Variants in S100Z observed in about 807,000 individuals in gnomAD.
S100Z encodes the protein S100 calcium binding protein Z.
A neutral mutation model predicts 8.5 loss-of-function variants in S100Z; 11 were observed. The observed-to-expected ratio is 1.30, with a 90% CI of 0.82 to 2.15. S100Z has a LOEUF of 2.15. Among genes scored for constraint, S100Z ranks in the 30% most tolerant of loss-of-function variants. The pLI is 0.00. For missense variants in S100Z, 126 were observed against 117.9 expected, an observed-to-expected ratio of 1.07 and a Z score of -0.32; for synonymous variants, 34 against 43.8, an observed-to-expected ratio of 0.78 and a Z score of 0.89.
chr5:76,913,654 A>G (rs1744747172), intron 4 of S100Z, among the ~76,000 whole-genome samples: 1 of 152,244 alleles, frequency 6.6e-6, no homozygotes, highest in African/African-American at 2.4e-5. Context: ...GATTTCTCAG[A>G]CAGTTTGCAA....
intron 1 of S100Z, among the ~76,000 whole-genome samples, chr5:76,862,461 G>A (rs1229831008): frequency 6.6e-6 from 1 of 152,080 alleles, no homozygotes; most frequent in Non-Finnish European, 1.5e-5. Flanking sequence ...GGAGGCCTCT[G>A]AAGAGCACCT....
In S100Z at chr5:76,865,240, C is replaced by CTTTT. The variant is rs140953492; in HGVS notation, c.-175-4908_-175-4905dup. The stretch of plus-strand genomic sequence containing the variant: ...TAATGTGTGTGTTTGTGTCCTAGCT[C>CTTTT]TTTTTTTTTTTTTTTTTTTTTGAGA... On this transcript the variant is annotated intron_variant, in intron 1 of 4. Coordinates refer to ENST00000317593, the MANE Select transcript of S100Z (RefSeq NM_130772.4). Among the ~76,000 whole-genome samples the CTTTT allele has an allele frequency of 8.9e-5, 9 of 100,632 alleles. 1 individual carries two copies. Among genetic ancestry groups the CTTTT allele is most frequent in the African/African-American group, 3.0e-4 (8 of 26,600 alleles). The allele number at this position is 100,632 out of a possible 152,430, so 66.0% of individuals were successfully genotyped here.
intron 4 of S100Z, among the ~76,000 whole-genome samples, chr5:76,904,791 T>C (rs1744370274): frequency 6.6e-6 from 1 of 152,118 alleles, no homozygotes; most frequent in Non-Finnish European, 1.5e-5. Flanking sequence ...GTAATCCTCC[T>C]GCCTCAGCCT....
chr5:76,905,512 G>A lies in S100Z; in HGVS notation c.*3-15205G>A, dbSNP rs572066419. ...ATCGCAAGCTCCACCTCCTGGGTTTGCACCATTCTTCTGCCTCAGCCTCCT... is the reference window on the plus strand; with the variant it reads ...ATCGCAAGCTCCACCTCCTGGGTTTACACCATTCTTCTGCCTCAGCCTCCT... On this transcript the variant is annotated intron_variant, in intron 4 of 4. Transcript: ENST00000317593. Among the ~76,000 whole-genome samples the A allele has an allele frequency of 5.9e-4, 90 of 151,684 alleles. 1 individual carries two copies. The highest frequency in any genetic ancestry group is 2.0e-3 in the African/African-American group (83 of 41,330).
the S100Z span, among the ~76,000 whole-genome samples, chr5:76,930,887 T>C: frequency 6.6e-6 from 1 of 152,156 alleles, no homozygotes; most frequent in Non-Finnish European, 1.5e-5. Flanking sequence ...TTGGAGGAGA[T>C]ATTTTAAAAC....
the S100Z span, among the ~76,000 whole-genome samples, chr5:76,945,731 A>G: frequency 6.6e-6 from 1 of 152,210 alleles, no homozygotes; most frequent in Non-Finnish European, 1.5e-5. Context: ...CTGCTTTCCT[A>G]CTGCATTCCT....
intron 4 of S100Z, among the ~76,000 whole-genome samples, chr5:76,893,594 A>T (rs1743938121): frequency 6.6e-6 from 1 of 152,112 alleles, no homozygotes; most frequent in Admixed American, 6.5e-5. Flanking sequence ...TTTTGTTTTC[A>T]AAAGTCTAAA....
chr5:76,898,746 T>C (rs1407182509), intron 4 of S100Z, among the ~76,000 whole-genome samples: 1 of 152,128 alleles, frequency 6.6e-6, no homozygotes, highest in Non-Finnish European at 1.5e-5. Context: ...TCAAAGATAT[T>C]GCCCTGTAGT....
the S100Z span, among the ~76,000 whole-genome samples, chr5:76,932,403 G>A: frequency 1.3e-5 from 2 of 152,256 alleles, no homozygotes; most frequent in Non-Finnish European, 2.9e-5. Context: ...GCCCAGGCTG[G>A]AGTGCGGTGG....
chr5:76,927,034 G>A, the S100Z span, among the ~76,000 whole-genome samples: 6 of 151,960 alleles, frequency 3.9e-5, no homozygotes, highest in African/African-American at 9.7e-5. Context: ...TGATTCTTTC[G>A]CCTGTGCATG....
intron 4 of S100Z, among the ~76,000 whole-genome samples, chr5:76,916,953 C>T (rs922622720): frequency 6.6e-6 from 1 of 151,798 alleles, no homozygotes; most frequent in African/African-American, 2.4e-5. Flanking sequence ...TAGTTAAACC[C>T]CATCTCTACT....
chr5:76,879,839 C>T (rs1324047953), intron 4 of S100Z, among the ~76,000 whole-genome samples: 1 of 152,040 alleles, frequency 6.6e-6, no homozygotes, highest in Non-Finnish European at 1.5e-5. Flanking sequence ...GAGAGAAATC[C>T]ATTCAGAGGT....
chr5:76,851,848 T>C (rs1015900117), intron 1 of S100Z, among the ~76,000 whole-genome samples: 2 of 151,986 alleles, frequency 1.3e-5, no homozygotes, highest in African/African-American at 4.8e-5. Flanking sequence ...AAGAACGAGA[T>C]GTAAAGTAGA....
At chr5:76,856,005 G>C (rs1011483047) in intron 1 of S100Z, among the ~76,000 whole-genome samples, 1 of 152,082 alleles carries the variant, frequency 6.6e-6, no homozygotes, top group African/African-American at 2.4e-5. Context: ...ATGAGATCTG[G>C]TTGTTCAAAA....
In S100Z at chr5:76,891,165, C is replaced by A. The variant is rs983154913; in HGVS notation, c.*2+13331C>A. On this transcript the variant is annotated intron_variant, in intron 4 of 4. Transcript: ENST00000317593. Reference sequence around the variant, plus strand: ...GGCGTGAGCCACCATGCCCGGCCCCCAGTTTCTTCCTTTAAATTAAAGCAG... The same window carrying A: ...GGCGTGAGCCACCATGCCCGGCCCCAAGTTTCTTCCTTTAAATTAAAGCAG... 2.6e-5 allele frequency among the ~76,000 whole-genome samples: 4 copies of A among 152,316 alleles called. No individual in the cohort carries two copies. The East Asian group carries it at 7.7e-4, about 29-fold the overall frequency.
At chr5:76,937,072 C>T in the S100Z span, among the ~76,000 whole-genome samples, 1 of 152,078 alleles carries the variant, frequency 6.6e-6, no homozygotes, top group Non-Finnish European at 1.5e-5. Context: ...GCTGCAGAGC[C>T]CTCCCTGACC....
At chr5:76,934,112 G>A in the S100Z span, among the ~76,000 whole-genome samples, 5 of 152,304 alleles carry the variant, frequency 3.3e-5, no homozygotes, top group Non-Finnish European at 7.4e-5. Flanking sequence ...TAGTGACAGA[G>A]GAAGAATTCA....
At chr5:76,862,124 AGTGTGCGTGTGT>A (rs1031556537) in intron 1 of S100Z, among the ~76,000 whole-genome samples, 60 of 138,510 alleles carry the variant, frequency 4.3e-4, no homozygotes, top group Non-Finnish European at 7.1e-4. Context: ...AGGGATAAGG[AGTGTGCGTGTGT>A]GTGTGTGTGT....
intron 1 of S100Z, among the ~76,000 whole-genome samples, chr5:76,868,521 TG>T: frequency 6.6e-6 from 1 of 151,994 alleles, no homozygotes; most frequent in Non-Finnish European, 1.5e-5. Flanking sequence ...AATATAATAC[TG>T]TTGAGACCCA....
Sources: gnomAD v4.1 joint callset for allele counts (sites outside exome capture counted in the v4.1 genomes callset) on GRCh38, gnomAD v4.1.1 for gene constraint, MANE v1.5 for transcripts, NCBI Gene and HGNC (gene_info 2026-07-23, HGNC 2026-07-21) for gene names.